The following PLPPR1 variants were observed in gnomAD, a reference collection of about 807,000 sequenced individuals.
PLPPR1 encodes phospholipid phosphatase related 1, also known as phospholipid phosphatase-related protein type 1.
Under a neutral mutation model 33.1 loss-of-function variants are expected in PLPPR1, and 10 were observed. The observed-to-expected ratio is 0.30, with a 90% CI of 0.19 to 0.51. The LOEUF is 0.51. Among genes scored for constraint, PLPPR1 ranks in the 20% least tolerant of loss-of-function variants. PLPPR1 has a pLI of 0.97. For synonymous variants in PLPPR1, 151 were observed against 151.0 expected, an observed-to-expected ratio of 1.00 and a Z score of 0.00; for missense variants, 304 against 408.1, an observed-to-expected ratio of 0.74 and a Z score of 2.20.
intron 1 of PLPPR1, among the ~76,000 whole-genome samples, chr9:101,146,962 T>A (rs187951838): frequency 6.6e-4 from 100 of 152,332 alleles, no homozygotes; most frequent in African/African-American, 2.4e-3. Flanking sequence ...AACTAGGATG[T>A]TGTTAAGGCT....
chr9:101,288,566 TA>T (rs746688006), intron 4 of PLPPR1, among the ~76,000 whole-genome samples: 20 of 148,270 alleles, frequency 1.3e-4, no homozygotes, highest in African/African-American at 5.1e-4. Flanking sequence ...AGTAAAAAAA[TA>T]AAAAAATAAA....
intron 1 of PLPPR1, among the ~76,000 whole-genome samples, chr9:101,046,909 C>T (rs1830157925): frequency 6.6e-6 from 1 of 151,948 alleles, no homozygotes; most frequent in East Asian, 1.9e-4. Flanking sequence ...TAGTATATGG[C>T]CTTTAAAATG....
chr9:101,182,659 TG>T (rs1412700955), intron 1 of PLPPR1, among the ~76,000 whole-genome samples: 7 of 151,740 alleles, frequency 4.6e-5, no homozygotes, highest in African/African-American at 1.7e-4. Context: ...AACTTTGTAT[TG>T]TGTGAATTTC....
chr9:101,083,750 G>A (rs1830647591), intron 1 of PLPPR1, among the ~76,000 whole-genome samples: 2 of 152,136 alleles, frequency 1.3e-5, no homozygotes, highest in African/African-American at 4.8e-5. Context: ...CATTGAATAC[G>A]AAGATTTATT....
At chr9:101,260,140 A>G (rs1040692816) in intron 2 of PLPPR1, among the ~76,000 whole-genome samples, 3 of 152,096 alleles carry the variant, frequency 2.0e-5, no homozygotes, top group Non-Finnish European at 2.9e-5. Flanking sequence ...CATGTCTCCT[A>G]AGAACACTAA....
chr9:101,310,495 A>AC (rs1239171105), intron 5 of PLPPR1, among the ~76,000 whole-genome samples: 2 of 151,556 alleles, frequency 1.3e-5, no homozygotes, highest in African/African-American at 4.9e-5. Flanking sequence ...CCCTCAACCC[A>AC]CCCCCCAGGG....
chr9:101,047,468 A>G (rs867695286), intron 1 of PLPPR1, among the ~76,000 whole-genome samples: 1 of 152,162 alleles, frequency 6.6e-6, no homozygotes, highest in South Asian at 2.1e-4. Context: ...TCTTTTAGCC[A>G]GTTTGTGGAT....
intron 4 of PLPPR1, among the ~76,000 whole-genome samples, chr9:101,308,521 G>A (rs1452870130): frequency 6.6e-6 from 1 of 152,170 alleles, no homozygotes; most frequent in South Asian, 2.1e-4. Context: ...TCGGTTTGTG[G>A]TAATTTGTTA....
intron 1 of PLPPR1, among the ~76,000 whole-genome samples, chr9:101,043,452 T>C (rs1588004601): frequency 6.6e-6 from 1 of 151,636 alleles, no homozygotes; most frequent in African/African-American, 2.4e-5. Flanking sequence ...TGCATACACA[T>C]ATATACATAT....
At chr9:101,198,888 C>T (rs953295665) in intron 2 of PLPPR1, among the ~76,000 whole-genome samples, 3 of 152,178 alleles carry the variant, frequency 2.0e-5, no homozygotes, top group African/African-American at 7.2e-5. Flanking sequence ...GCAAGGTAGG[C>T]AGAGGCCAAA....
chr9:101,066,723 C>A (rs901473509), intron 1 of PLPPR1, among the ~76,000 whole-genome samples: 1 of 151,990 alleles, frequency 6.6e-6, no homozygotes, highest in Non-Finnish European at 1.5e-5. Flanking sequence ...CACTTCCTTA[C>A]TTTCTGGCAC....
intron 4 of PLPPR1, among the ~76,000 whole-genome samples, chr9:101,290,511 A>C (rs1828475954): frequency 1.3e-5 from 2 of 152,224 alleles, no homozygotes; most frequent in African/African-American, 4.8e-5. Flanking sequence ...TTGATATTTA[A>C]CCCTTTCTGC....
Position 101,028,830 on chromosome 9 carries a change from G to C in PLPPR1, c.-318G>C, listed in dbSNP as rs1423571957. 2.0e-5 allele frequency: 3 copies of C among 152,478 alleles called. No individual in the cohort carries two copies. Among genetic ancestry groups the C allele is most frequent in the Admixed American group, 6.5e-5 (1 of 15,292 alleles). The allele number at this position is 152,478 out of a possible 1,614,324, so 9.4% of individuals were successfully genotyped here. On this transcript the variant is annotated 5_prime_UTR_variant, in exon 1 of 8. Transcript: ENST00000374874. ...GAGGCAGCGGAGGAAGCAGAGCGCG[G>C]GATGGGCGCCCAGCGGCATCTGTGA...
At position 101,324,238 on chromosome 9, in the gene PLPPR1, T is replaced by G. The variant is rs1348090937; in HGVS notation, c.*181T>G. Reference sequence around the variant, plus strand: ...AGCTTGCCCTGATTTTTTTTTTTTTTTTTTGGTCAGCTTTAATATATTTAT... The same window carrying G: ...AGCTTGCCCTGATTTTTTTTTTTTTGTTTTGGTCAGCTTTAATATATTTAT... On this transcript the variant is annotated 3_prime_UTR_variant, in exon 8 of 8. Coordinates refer to ENST00000374874, the MANE Select transcript of PLPPR1 (RefSeq NM_207299.2). 3 of 480,268 alleles carry G rather than the reference T, an allele frequency of 6.2e-6. No homozygotes were observed. Among genetic ancestry groups the G allele is most frequent in the Non-Finnish European group, 1.1e-5 (3 of 277,546 alleles). 29.8% of individuals were successfully genotyped at this position (480,268 alleles called of 1,614,324 possible). A position where few individuals can be genotyped will look rare whatever the true frequency, so the allele number is the denominator to read the frequency against.
intron 2 of PLPPR1, among the ~76,000 whole-genome samples, chr9:101,213,350 T>TA (rs916909215): frequency 7.2e-5 from 11 of 152,158 alleles, no homozygotes; most frequent in African/African-American, 2.7e-4. Flanking sequence ...CAGAAAGAGA[T>TA]AAAATCCTTA....
chr9:101,222,062 G>C (rs1180975913), intron 2 of PLPPR1, among the ~76,000 whole-genome samples: 1 of 152,132 alleles, frequency 6.6e-6, no homozygotes, highest in Non-Finnish European at 1.5e-5. Flanking sequence ...TCTTCACTAG[G>C]AGAGCAATGC....
At chr9:101,236,236 CAA>C in intron 2 of PLPPR1, among the ~76,000 whole-genome samples, 1 of 151,644 alleles carries the variant, frequency 6.6e-6, no homozygotes, top group African/African-American at 2.4e-5. Flanking sequence ...TAAACAATTC[CAA>C]AAAAAGTCAA....
chr9:101,295,643 C>G (rs1473643770), intron 4 of PLPPR1, among the ~76,000 whole-genome samples: 1 of 148,184 alleles, frequency 6.7e-6, no homozygotes, highest in African/African-American at 2.5e-5. Context: ...TCAGAAATAA[C>G]GCCACATATC....
intron 1 of PLPPR1, among the ~76,000 whole-genome samples, chr9:101,163,793 G>A (rs73499842): frequency 1.3e-5 from 2 of 152,084 alleles, no homozygotes; most frequent in Non-Finnish European, 2.9e-5. Flanking sequence ...AAATCTTTTG[G>A]GGGGGCTAAT....
Sources: gnomAD v4.1 joint callset for allele counts (sites outside exome capture counted in the v4.1 genomes callset) on GRCh38, gnomAD v4.1.1 for gene constraint, MANE v1.5 for transcripts, NCBI Gene and HGNC (gene_info 2026-07-23, HGNC 2026-07-21) for gene names.